The following ITGAV variants were observed in gnomAD, a reference collection of about 807,000 sequenced individuals.
ITGAV encodes integrin alpha-V.
In ITGAV, 76 loss-of-function variants were observed where a neutral mutation model predicts 143.8. The ratio of observed to expected loss-of-function variants is 0.53; its 90% CI spans 0.44 to 0.64. ITGAV has a LOEUF of 0.64. Ranked by LOEUF, ITGAV falls within the 30% of genes least tolerant of loss-of-function variation. ITGAV has a pLI of 0.00. For synonymous variants in ITGAV, 453 were observed against 446.7 expected, an observed-to-expected ratio of 1.01 and a Z score of -0.18; for missense variants, 1,193 against 1,274.7, an observed-to-expected ratio of 0.94 and a Z score of 0.98.
At chr2:186,658,670 A>G (rs1211475526) in intron 17 of ITGAV, among the ~76,000 whole-genome samples, 1 of 152,056 alleles carries the variant, frequency 6.6e-6, no homozygotes, top group African/African-American at 2.4e-5. Context: ...AGAAGACTAC[A>G]TGTAATCCTA....
chr2:186,653,101 A>T (rs1364361868), intron 15 of ITGAV, among the ~76,000 whole-genome samples: 1 of 151,362 alleles, frequency 6.6e-6, no homozygotes, highest in African/African-American at 2.4e-5. Context: ...GCCCACCAAC[A>T]CGCCCGGCTA....
intron 2 of ITGAV, among the ~76,000 whole-genome samples, chr2:186,612,101 G>A (rs1687232811): frequency 6.6e-6 from 1 of 152,166 alleles, no homozygotes; most frequent in Non-Finnish European, 1.5e-5. Flanking sequence ...AAAGATAATT[G>A]TGGATATTCT....
At chr2:186,653,485 G>T (rs1158468630) in intron 15 of ITGAV, among the ~76,000 whole-genome samples, 3 of 152,088 alleles carry the variant, frequency 2.0e-5, no homozygotes, top group African/African-American at 7.2e-5. Flanking sequence ...TACTTCAAAA[G>T]AGCCAATTAA....
rs1324467666 is a variant in ITGAV at position 186,600,385 on chromosome 2, A to G, written c.186-1636A>G. The G allele has an allele frequency of 2.0e-6, 3 of 1,533,780 alleles. No homozygotes were observed. In the East Asian group the frequency reaches 7.4e-5, roughly 38 times the overall value. On this transcript the variant is annotated intron_variant, in intron 1 of 29. Coordinates refer to ENST00000261023, the MANE Select transcript of ITGAV (RefSeq NM_002210.5). ...TCCTGTACATCTTAATGTTGTGGTG[A>G]GTTCCTTAGAAATAACTTCTCTGTC... is the stretch of plus-strand genomic sequence containing the variant.
chr2:186,656,440 T>C (rs1445959845), intron 17 of ITGAV, 39 bp downstream of exon 17: 1 of 1,384,848 alleles, frequency 7.2e-7, no homozygotes, highest in Non-Finnish European at 9.6e-7. Context: ...TGTTCCTTTT[T>C]AGTCATTAGT....
intron 17 of ITGAV, among the ~76,000 whole-genome samples, 180 bp downstream of exon 17, chr2:186,656,581 T>G (rs995148616): frequency 5.9e-5 from 9 of 152,204 alleles, no homozygotes; most frequent in Admixed American, 1.3e-4. Flanking sequence ...TCTGGCAGAT[T>G]GGATATTCCA....
chr2:186,606,754 G>C (rs2887827), intron 2 of ITGAV, among the ~76,000 whole-genome samples: 35,860 of 151,750 alleles, frequency 0.24, 4,284 homozygotes, highest in Middle Eastern at 0.33. Context: ...AATACATATT[G>C]TGTCTTCATC....
chr2:186,665,640 C>T (rs1411858042), intron 21 of ITGAV, among the ~76,000 whole-genome samples: 2 of 152,156 alleles, frequency 1.3e-5, no homozygotes, highest in Non-Finnish European at 2.9e-5. Flanking sequence ...AAATCAGGCT[C>T]CCCTTCAGAT....
chr2:186,658,291 C>T (rs1240297271), intron 17 of ITGAV, among the ~76,000 whole-genome samples: 1 of 151,914 alleles, frequency 6.6e-6, no homozygotes, highest in Non-Finnish European at 1.5e-5. Flanking sequence ...AGACAAATAC[C>T]CCAAGTTATG....
intron 1 of ITGAV, among the ~76,000 whole-genome samples, chr2:186,600,801 A>G (rs1305288198): frequency 6.6e-6 from 1 of 152,178 alleles, no homozygotes; most frequent in Non-Finnish European, 1.5e-5. Flanking sequence ...TCTACTAAAA[A>G]TATAAAAATT....
chr2:186,649,663 G>A (rs1160259666), intron 13 of ITGAV, among the ~76,000 whole-genome samples, 177 bp from the exon 14 acceptor site: 2 of 152,068 alleles, frequency 1.3e-5, no homozygotes, highest in Non-Finnish European at 2.9e-5. Context: ...TTTTCCACTG[G>A]TGGTAGTTTG....
intron 1 of ITGAV, among the ~76,000 whole-genome samples, chr2:186,590,744 A>C (rs577495477): frequency 1.3e-5 from 2 of 152,100 alleles, no homozygotes; most frequent in Non-Finnish European, 2.9e-5. Context: ...TCACCTCTTA[A>C]AATTGGTTAG....
chr2:186,609,512 G>A (rs555793426), intron 2 of ITGAV, among the ~76,000 whole-genome samples: 1 of 152,082 alleles, frequency 6.6e-6, no homozygotes, highest in Non-Finnish European at 1.5e-5. Flanking sequence ...TTTCAAAAAT[G>A]TATTTGAGAG....
At chr2:186,616,581 A>G (rs982006272) in intron 2 of ITGAV, among the ~76,000 whole-genome samples, 1 of 152,304 alleles carries the variant, frequency 6.6e-6, no homozygotes, top group African/African-American at 2.4e-5. Flanking sequence ...CCCGGCCGAT[A>G]TACCTTATTT....
intron 8 of ITGAV, among the ~76,000 whole-genome samples, chr2:186,637,612 C>A (rs1319214672): frequency 3.9e-5 from 6 of 152,018 alleles, no homozygotes; most frequent in Non-Finnish European, 7.4e-5. Flanking sequence ...CTGTGCTGAA[C>A]TTCCTCTAGT....
chr2:186,633,297 T>A, intron 5 of ITGAV, 32 bp from the exon 6 acceptor site: 1 of 1,437,906 alleles, frequency 7.0e-7, no homozygotes, highest in Non-Finnish European at 9.7e-7. Flanking sequence ...GTTCTTTAAA[T>A]ATATATCTTT....
chr2:186,620,018 G>T (rs770845226), intron 2 of ITGAV, among the ~76,000 whole-genome samples: 1 of 151,716 alleles, frequency 6.6e-6, no homozygotes, highest in South Asian at 2.1e-4. Flanking sequence ...GAAAAGAAAA[G>T]GCTCTTGATA....
chr2:186,643,708 C>T (rs942303622), intron 12 of ITGAV, among the ~76,000 whole-genome samples: 2 of 151,690 alleles, frequency 1.3e-5, no homozygotes, highest in African/African-American at 4.8e-5. Flanking sequence ...AGTACTTTTC[C>T]AGAAAAAGCA....
chr2:186,620,798 C>G (rs1038219219), intron 2 of ITGAV, among the ~76,000 whole-genome samples: 1 of 152,030 alleles, frequency 6.6e-6, no homozygotes, highest in African/African-American at 2.4e-5. Flanking sequence ...ATAAAGTATT[C>G]TATGGCTGTA....
Sources: allele counts gnomAD v4.1 joint callset (sites outside exome capture counted in the v4.1 genomes callset), GRCh38; gene constraint gnomAD v4.1.1; transcripts MANE v1.5; gene names NCBI Gene and HGNC (gene_info 2026-07-23, HGNC 2026-07-21).